Variants in IMMP2L observed in about 807,000 individuals in gnomAD.
The protein encoded by IMMP2L is mitochondrial inner membrane protease subunit 2.
A neutral mutation model predicts 19.3 loss-of-function variants in IMMP2L; 18 were observed. The observed-to-expected ratio is 0.93, with a 90% CI of 0.64 to 1.38. IMMP2L has a LOEUF of 1.38. IMMP2L is among the 40% of genes most tolerant of loss of function. IMMP2L has a pLI of 0.00. For synonymous variants in IMMP2L, 76 were observed against 73.0 expected, an observed-to-expected ratio of 1.04 and a Z score of -0.21; for missense variants, 233 against 218.2, an observed-to-expected ratio of 1.07 and a Z score of -0.43.
intron 3 of IMMP2L, among the ~76,000 whole-genome samples, chr7:111,445,658 G>A (rs185302000): frequency 1.8e-4 from 28 of 152,226 alleles, no homozygotes; most frequent in East Asian, 7.8e-4. Context: ...CTAAAAGGGC[G>A]GAGATTGGGA....
Position 110,757,729 on chromosome 7 carries a change from C to A in IMMP2L, c.409-94008G>T, listed in dbSNP as rs1240887844. On this transcript the variant is annotated intron_variant, in intron 5 of 5. Coordinates refer to ENST00000405709, the MANE Select transcript of IMMP2L (RefSeq NM_032549.4). The surrounding 1 kb of genome is among the most constrained non-coding windows in gnomAD (Gnocchi z 4.2). ...CTTCCTAGACTCCCTCTGCTCCCTGCCCATACCTTTGTTAAATCTTTCTTA... is the reference window on the plus strand; with the variant it reads ...CTTCCTAGACTCCCTCTGCTCCCTGACCATACCTTTGTTAAATCTTTCTTA... 6.6e-6 allele frequency among the ~76,000 whole-genome samples: 1 copy of A among 152,104 alleles called. No homozygotes were observed. Among genetic ancestry groups the A allele is most frequent in the Non-Finnish European group, 1.5e-5 (1 of 68,006 alleles).
chr7:111,175,125 G>A (rs1323783933), intron 3 of IMMP2L, among the ~76,000 whole-genome samples: 1 of 151,736 alleles, frequency 6.6e-6, no homozygotes, highest in Non-Finnish European at 1.5e-5. Flanking sequence ...ATGTATTCCG[G>A]CTTTATGCAA....
intron 1 of IMMP2L, among the ~76,000 whole-genome samples, chr7:111,558,107 CG>C (rs1170954120): frequency 6.6e-6 from 1 of 152,084 alleles, no homozygotes; most frequent in African/African-American, 2.4e-5. Flanking sequence ...GAGTTTCCAG[CG>C]GAACAGTTGA....
At chr7:110,685,702 G>T (rs946582436) in intron 5 of IMMP2L, among the ~76,000 whole-genome samples, 1 of 152,016 alleles carries the variant, frequency 6.6e-6, no homozygotes, top group Admixed American at 6.6e-5. Context: ...AAATGTGGTT[G>T]CTGTTATGTT....
At chr7:111,489,083 G>A (rs924750040) in intron 2 of IMMP2L, among the ~76,000 whole-genome samples, 8 of 121,340 alleles carry the variant, frequency 6.6e-5, no homozygotes, top group African/African-American at 1.9e-4. Context: ...TCACACCGTC[G>A]CCCAGGCTGG....
intron 3 of IMMP2L, among the ~76,000 whole-genome samples, chr7:110,988,139 A>C (rs1425548169): frequency 1.3e-5 from 2 of 152,336 alleles, no homozygotes; most frequent in Admixed American, 6.5e-5. Context: ...AACTGCTCTA[A>C]CAAAGTGCAC....
rs762576425 is a variant in IMMP2L, at chr7:111,268,569, C to CTTTTT, written c.239+218664_239+218668dup. Reference sequence around the variant, plus strand: ...GATATGAGTTAAACTTCACATTTCTCTTTTTTTTTTTTTTTTTTTTTTTTT... The same window carrying CTTTTT: ...GATATGAGTTAAACTTCACATTTCTCTTTTTTTTTTTTTTTTTTTTTTTTTTTTTT... On this transcript the variant is annotated intron_variant, in intron 3 of 5. Transcript: ENST00000405709. Among the ~76,000 whole-genome samples the CTTTTT allele has an allele frequency of 6.2e-3, 277 of 44,586 alleles. 71 individuals are homozygous for CTTTTT. Among genetic ancestry groups the CTTTTT allele is most frequent in the Non-Finnish European group, 7.6e-3 (203 of 26,632 alleles). The allele number at this position is 44,586 out of a possible 152,430, so 29.3% of individuals were successfully genotyped here. A position where few individuals can be genotyped will look rare whatever the true frequency, so the allele number is the denominator to read the frequency against.
intron 3 of IMMP2L, among the ~76,000 whole-genome samples, chr7:111,422,872 T>C (rs1013183102): frequency 6.6e-6 from 1 of 151,740 alleles, no homozygotes; most frequent in Non-Finnish European, 1.5e-5. Flanking sequence ...GATAGCTCTT[T>C]TAATTTTGAG....
intron 3 of IMMP2L, among the ~76,000 whole-genome samples, chr7:111,159,653 A>C (rs1805035065): frequency 6.6e-6 from 1 of 152,120 alleles, no homozygotes; most frequent in Admixed American, 6.6e-5. Context: ...ATTTTTTACC[A>C]ATTTGTCATG....
intron 4 of IMMP2L, among the ~76,000 whole-genome samples, chr7:110,958,606 GCCCTTACCAA>G (rs1279784198): frequency 5.2e-5 from 2 of 38,168 alleles, no homozygotes; most frequent in African/African-American, 1.5e-4. Context: ...ATACCAACAA[GCCCTTACCAA>G]CAGGTTCCTT....
intron 3 of IMMP2L, among the ~76,000 whole-genome samples, chr7:111,445,207 C>G (rs546772335): frequency 6.6e-6 from 1 of 151,964 alleles, no homozygotes; most frequent in Admixed American, 6.6e-5. Context: ...TCTTACACAT[C>G]CCCAAGAACA....
At chr7:111,474,108 G>A (rs1276774526) in intron 3 of IMMP2L, among the ~76,000 whole-genome samples, 5 of 152,054 alleles carry the variant, frequency 3.3e-5, no homozygotes, top group Non-Finnish European at 7.4e-5. Context: ...ACTTAAAAGT[G>A]GGAGCTAAAC....
intron 3 of IMMP2L, among the ~76,000 whole-genome samples, chr7:111,305,912 G>A (rs1305487055): frequency 6.6e-6 from 1 of 152,168 alleles, no homozygotes; most frequent in Non-Finnish European, 1.5e-5. Context: ...CTGAGGAAAA[G>A]TGGTGGAGGC....
intron 3 of IMMP2L, among the ~76,000 whole-genome samples, chr7:111,218,759 A>G (rs1330420347): frequency 6.6e-6 from 1 of 152,026 alleles, no homozygotes; most frequent in Non-Finnish European, 1.5e-5. Flanking sequence ...ACGTACATCA[A>G]TGTCACTCAC....
chr7:111,083,540 G>A (rs1366060565), intron 3 of IMMP2L, among the ~76,000 whole-genome samples: 1 of 152,158 alleles, frequency 6.6e-6, no homozygotes, highest in Non-Finnish European at 1.5e-5. Flanking sequence ...GGCCTCAAAA[G>A]ATCACTGAAG....
In IMMP2L at chr7:111,213,622, C is replaced by T. The variant is rs190232908; in HGVS notation, c.240-250057G>A. Among the ~76,000 whole-genome samples, 12 of 152,286 alleles carry T rather than the reference C, an allele frequency of 7.9e-5. No individual in the cohort carries two copies. In the East Asian group the frequency reaches 2.3e-3, roughly 29 times the overall value. Reference sequence around the variant, plus strand: ...TCCTCCCCTCTGAGGCCCACAAGAACCCCAGACTCACCCAGACTCAAGAAA... The same window carrying T: ...TCCTCCCCTCTGAGGCCCACAAGAATCCCAGACTCACCCAGACTCAAGAAA... On this transcript the variant is annotated intron_variant, in intron 3 of 5. Transcript: ENST00000405709. The surrounding 1 kb of genome is among the most constrained non-coding windows in gnomAD (Gnocchi z 4.8).
At chr7:111,216,909 G>A (rs1211609936) in intron 3 of IMMP2L, among the ~76,000 whole-genome samples, 1 of 151,956 alleles carries the variant, frequency 6.6e-6, no homozygotes, top group Non-Finnish European at 1.5e-5. Context: ...ACCTTTGAAG[G>A]GTGGGGGAAA....
intron 4 of IMMP2L, among the ~76,000 whole-genome samples, chr7:110,902,931 CAAAA>C (rs752631512): frequency 1.2e-4 from 1 of 8,598 alleles, no homozygotes. Flanking sequence ...GACTCCGTCT[CAAAA>C]AAAAAAAAAA....
intron 5 of IMMP2L, among the ~76,000 whole-genome samples, chr7:110,692,007 A>C (rs115602682): frequency 7.6e-4 from 115 of 152,304 alleles, no homozygotes; most frequent in African/African-American, 2.6e-3. Flanking sequence ...ATCTGCATAC[A>C]AATGTTTACC....
Sources: allele counts gnomAD v4.1 joint callset (sites outside exome capture counted in the v4.1 genomes callset), GRCh38; gene constraint gnomAD v4.1.1; non-coding constraint Gnocchi (gnomAD v3.1); transcripts MANE v1.5; gene names NCBI Gene and HGNC (gene_info 2026-07-23, HGNC 2026-07-21).